ZNF704: variants seen among roughly 807,000 people sequenced by gnomAD.
The protein encoded by ZNF704 is zinc finger protein 704, also known as glucocorticoid induced gene 1.
A neutral mutation model predicts 44.7 loss-of-function variants in ZNF704; 10 were observed. That is an observed-to-expected ratio of 0.22 (90% CI 0.14 to 0.38). The LOEUF (loss-of-function observed/expected upper bound fraction) is 0.38, where lower values mean the gene tolerates loss of function less well. Ranked by LOEUF, ZNF704 falls within the 10% of genes least tolerant of loss-of-function variation. The probability of loss-of-function intolerance (pLI) is 1.00; values close to 1 mark genes in which losing one functional copy is unlikely to be tolerated. For synonymous variants in ZNF704, 211 were observed against 207.6 expected, an observed-to-expected ratio of 1.02 and a Z score of -0.14; for missense variants, 390 against 545.5, an observed-to-expected ratio of 0.71 and a Z score of 2.84.
At chr8:80,693,221 G>A (rs777887486) in intron 2 of ZNF704, 114 bp from the exon 3 acceptor site, 10 of 838,506 alleles carry the variant, frequency 1.2e-5, no homozygotes, top group South Asian at 6.2e-5. Context: ...ATGAACAACC[G>A]ATGTTCTGTT....
upstream of ZNF704, among the ~76,000 whole-genome samples, chr8:80,877,747 G>C (rs1016579191): frequency 1.3e-5 from 2 of 152,274 alleles, no homozygotes; most frequent in Admixed American, 1.3e-4. Context: ...TGGTGCTGGC[G>C]TGCAGCAGCG....
At chr8:80,698,271 T>C (rs986926935) in intron 2 of ZNF704, among the ~76,000 whole-genome samples, 3 of 152,124 alleles carry the variant, frequency 2.0e-5, no homozygotes, top group African/African-American at 4.8e-5. Flanking sequence ...AAGAGTACTA[T>C]TGATTTGATG....
intron 2 of ZNF704, among the ~76,000 whole-genome samples, chr8:80,758,245 C>T (rs1051977778): frequency 5.3e-5 from 8 of 152,162 alleles, no homozygotes; most frequent in Non-Finnish European, 1.2e-4. Flanking sequence ...AACCGGCAAG[C>T]GGAGCAGAGG....
intron 7 of ZNF704, among the ~76,000 whole-genome samples, chr8:80,654,018 C>A (rs1377140775): frequency 6.6e-6 from 1 of 152,024 alleles, no homozygotes; most frequent in Non-Finnish European, 1.5e-5. Context: ...CAGAACGGAG[C>A]CCTCAGAAAT....
intron 2 of ZNF704, among the ~76,000 whole-genome samples, chr8:80,771,929 A>G (rs1415960787): frequency 6.6e-6 from 1 of 152,106 alleles, no homozygotes; most frequent in Non-Finnish European, 1.5e-5. Context: ...TTCTGCAGTG[A>G]TTGATATGAT....
chr8:80,761,556 G>C (rs1301433851), intron 2 of ZNF704, among the ~76,000 whole-genome samples: 1 of 152,066 alleles, frequency 6.6e-6, no homozygotes, highest in Non-Finnish European at 1.5e-5. Flanking sequence ...TCAAAATCTT[G>C]AAAATATAAT....
In ZNF704 at chr8:80,821,494, G is replaced by C. The variant is rs559447718; in HGVS notation, c.101C>G (p.Thr34Arg). 1.9e-6 allele frequency: 3 copies of C among 1,613,984 alleles called. No homozygotes were observed. Among genetic ancestry groups the C allele is most frequent in the Non-Finnish European group, 2.5e-6 (3 of 1,180,014 alleles). ...CCGGCTGGCTTTTTTGGTGTCTGCT[G>C]TTTTCACATCTTCCTCCATGGCCAA... Reference protein sequence around the residue: ...FSLAMEEDVKTADTKKASRIL... With the variant: ...FSLAMEEDVKRADTKKASRIL... The change falls in exon 2 of 9, where the codon ACA becomes AGA. Residue 34 changes from threonine to arginine, a missense_variant. Physicochemically the swap from Thr to Arg is moderately conservative, Grantham distance 71. Around this residue, in one of 3 missense-constraint regions of ZNF704, gnomAD observed 80 missense variants for 83.7 expected, o/e 0.96. Transcript: ENST00000327835.
chr8:80,667,329 A>T (rs1323291440), intron 5 of ZNF704, among the ~76,000 whole-genome samples: 1 of 152,228 alleles, frequency 6.6e-6, no homozygotes, highest in Non-Finnish European at 1.5e-5. Context: ...ATCACTCTGG[A>T]TACTGTCTGG....
intron 2 of ZNF704, among the ~76,000 whole-genome samples, chr8:80,793,410 A>G (rs993255841): frequency 6.6e-6 from 1 of 152,192 alleles, no homozygotes; most frequent in African/African-American, 2.4e-5. Flanking sequence ...TGGCACATAC[A>G]TATGCTATAA....
chr8:80,750,093 T>A (rs1245102341), intron 2 of ZNF704, among the ~76,000 whole-genome samples: 2 of 152,146 alleles, frequency 1.3e-5, no homozygotes, highest in East Asian at 3.9e-4. Context: ...GGGCAAGTGG[T>A]ATCAGGCCAG....
At chr8:80,761,037 G>C (rs1007360204) in intron 2 of ZNF704, among the ~76,000 whole-genome samples, 3 of 152,030 alleles carry the variant, frequency 2.0e-5, no homozygotes, top group Admixed American at 2.0e-4. Flanking sequence ...TTCAACACTG[G>C]GGACTACAAT....
intron 7 of ZNF704, among the ~76,000 whole-genome samples, chr8:80,652,213 C>T (rs1422342286): frequency 1.3e-5 from 2 of 151,932 alleles, no homozygotes; most frequent in Admixed American, 6.6e-5. Flanking sequence ...CAAGAGAAAG[C>T]AGGAAAGATC....
intron 2 of ZNF704, among the ~76,000 whole-genome samples, chr8:80,771,585 G>C (rs1807320967): frequency 6.6e-6 from 1 of 151,920 alleles, no homozygotes; most frequent in Non-Finnish European, 1.5e-5. Flanking sequence ...ATTAGTTCTA[G>C]GAGTCTTTTT....
intron 2 of ZNF704, among the ~76,000 whole-genome samples, chr8:80,696,635 C>T (rs1332692336): frequency 6.6e-6 from 1 of 152,220 alleles, no homozygotes; most frequent in East Asian, 1.9e-4. Flanking sequence ...CCACGCTGGT[C>T]TCAAACTCCT....
At chr8:80,834,622 G>A (rs114878391) in intron 1 of ZNF704, among the ~76,000 whole-genome samples, 1,958 of 152,188 alleles carry the variant, frequency 0.013, 40 homozygotes, top group African/African-American at 0.044. Context: ...CTATCCGCCC[G>A]TCATCTAGGT....
At chr8:80,658,694 A>G (rs985608619) in intron 7 of ZNF704, 1 of 152,248 alleles carries the variant, frequency 6.6e-6, no homozygotes, top group Non-Finnish European at 1.5e-5. Flanking sequence ...TATGGAATTT[A>G]ATAAATATTC....
intron 2 of ZNF704, among the ~76,000 whole-genome samples, chr8:80,817,930 A>C (rs189408730): frequency 1.4e-3 from 219 of 152,250 alleles, no homozygotes; most frequent in African/African-American, 4.9e-3. Context: ...CTCTCATTCC[A>C]CCGTAACCTC....
chr8:80,672,413 C>T (rs780034247), intron 4 of ZNF704, among the ~76,000 whole-genome samples: 1 of 152,212 alleles, frequency 6.6e-6, no homozygotes, highest in African/African-American at 2.4e-5. Context: ...AATCCCATTA[C>T]TGGGTGTATA....
At chr8:80,820,137 T>C (rs1261843085) in intron 2 of ZNF704, among the ~76,000 whole-genome samples, 1 of 152,218 alleles carries the variant, frequency 6.6e-6, no homozygotes, top group East Asian at 1.9e-4. Context: ...TTTTCTTTCT[T>C]TTTTTCATCT....
Sources: allele counts gnomAD v4.1 joint callset (sites outside exome capture counted in the v4.1 genomes callset), GRCh38; gene constraint gnomAD v4.1.1; regional missense constraint gnomAD v4.1.1; transcripts MANE v1.5; gene names NCBI Gene and HGNC (gene_info 2026-07-23, HGNC 2026-07-21).